Variants in CTBP2 observed in about 807,000 individuals in gnomAD.
CTBP2 encodes C-terminal-binding protein 2.
In CTBP2, 30 loss-of-function variants were observed where a neutral mutation model predicts 80.3. The ratio of observed to expected loss-of-function variants is 0.37; its 90% CI spans 0.28 to 0.51. CTBP2 has a LOEUF of 0.51. CTBP2 is among the 20% of genes least tolerant of loss of function. The probability of loss-of-function intolerance (pLI) is 0.93; values close to 1 mark genes in which losing one functional copy is unlikely to be tolerated. For missense variants in CTBP2, 1,212 were observed against 1,375.3 expected (o/e 0.88, Z 1.88); for synonymous variants, 594 against 587.4 (o/e 1.01, Z -0.16).
At chr10:125,020,621 G>A (rs1447828297) in intron 1 of CTBP2, among the ~76,000 whole-genome samples, 2 of 152,130 alleles carry the variant, frequency 1.3e-5, no homozygotes, top group Non-Finnish European at 2.9e-5. Context: ...AACAGCAAGC[G>A]CCGACCTCAT....
At chr10:125,007,847 A>G (rs1186125996) in intron 1 of CTBP2, among the ~76,000 whole-genome samples, 4 of 152,200 alleles carry the variant, frequency 2.6e-5, no homozygotes, top group Non-Finnish European at 5.9e-5. Context: ...AGCACAAGAC[A>G]ACCTGCCCCA....
chr10:125,083,529 C>T (rs750321476), intron 2 of CTBP2, among the ~76,000 whole-genome samples: 4 of 152,206 alleles, frequency 2.6e-5, no homozygotes, highest in Non-Finnish European at 5.9e-5. Context: ...ACCACATTAC[C>T]GTGACCATCT....
At chr10:125,114,238 C>T (rs1389790719) in intron 1 of CTBP2, among the ~76,000 whole-genome samples, 1 of 152,192 alleles carries the variant, frequency 6.6e-6, no homozygotes, top group Non-Finnish European at 1.5e-5. Context: ...GCATGCCCAC[C>T]CCCTCCAAGT....
intron 1 of CTBP2, among the ~76,000 whole-genome samples, chr10:125,139,374 CAAAAAAAAA>C (rs33963277): frequency 1.0e-5 from 1 of 96,220 alleles, no homozygotes; most frequent in Non-Finnish European, 2.1e-5. Flanking sequence ...TAGACTGTCT[CAAAAAAAAA>C]AAAAAAAAAA....
intron 2 of CTBP2, among the ~76,000 whole-genome samples, chr10:125,089,173 T>C (rs895792897): frequency 6.6e-6 from 1 of 152,244 alleles, no homozygotes; most frequent in Non-Finnish European, 1.5e-5. Context: ...AAACATTTTT[T>C]TACTTTAAAA....
chr10:125,043,671 C>T (rs752992812), intron 2 of CTBP2, among the ~76,000 whole-genome samples: 2 of 152,084 alleles, frequency 1.3e-5, no homozygotes, highest in African/African-American at 4.8e-5. Context: ...CTCCTGACCT[C>T]GTGATCTGTC....
At chr10:125,003,129 C>T (rs376628142) in intron 2 of CTBP2, 25 bp from the exon 5 acceptor site, 48 of 1,613,118 alleles carry the variant, frequency 3.0e-5, no homozygotes, top group Middle Eastern at 1.7e-4. Flanking sequence ...AGCACAGGGT[C>T]GGAGCCCCAC....
chr10:125,131,092 G>A (rs1457084924), intron 1 of CTBP2, among the ~76,000 whole-genome samples: 1 of 152,252 alleles, frequency 6.6e-6, no homozygotes, highest in African/African-American at 2.4e-5. Flanking sequence ...TGGCAGGGAA[G>A]GCAGGAGGCT....
At chr10:125,114,367 T>G (rs1852829910) in intron 1 of CTBP2, among the ~76,000 whole-genome samples, 1 of 151,642 alleles carries the variant, frequency 6.6e-6, no homozygotes, top group Admixed American at 6.6e-5. Context: ...GACAGGGGGG[T>G]GTGTACTCTC....
At position 125,027,538 on chromosome 10, in the gene CTBP2, G is replaced by T; in HGVS notation, c.222C>A (p.Ala74=). The change falls in exon 1 of 9, where the codon GCC becomes GCA. Residue 74 remains alanine (A), a synonymous_variant. Coordinates refer to ENST00000309035, the MANE Select transcript of CTBP2 (RefSeq NM_022802.3). ...TTCTTGCAGCCACTGAGTTATAAAC[G>T]GCCTCCCGGTACAGGTAGGGCTCGG... The T allele has an allele frequency of 6.2e-7, 1 of 1,614,006 alleles. No individual in the cohort carries two copies. Among genetic ancestry groups the T allele is most frequent in the Middle Eastern group, 1.6e-4 (1 of 6,062 alleles).
rs1039042139 is a variant in CTBP2 at position 124,986,843 on chromosome 10, G to A, written c.*2675C>T. 4.6e-5 allele frequency: 7 copies of A among 152,206 alleles called. No individual in the cohort carries two copies. The highest frequency in any genetic ancestry group is 8.8e-5 in the Non-Finnish European group (6 of 68,052). The allele number at this position is 152,206 out of a possible 1,614,324, so 9.4% of individuals were successfully genotyped here. A position where few individuals can be genotyped will look rare whatever the true frequency, so the allele number is the denominator to read the frequency against. The stretch of plus-strand genomic sequence containing the variant: ...TTGAAAAAGCCAAAGAGAATTGTTA[G>A]AGGGAAAAGCATGTAGCCATTGCAG... On this transcript the variant is annotated 3_prime_UTR_variant, in exon 9 of 9. Transcript: ENST00000309035.
chr10:125,056,271 T>A (rs956793603), intron 2 of CTBP2, among the ~76,000 whole-genome samples: 1 of 152,224 alleles, frequency 6.6e-6, no homozygotes, highest in African/African-American at 2.4e-5. Flanking sequence ...TGAGAACTAT[T>A]CTAAGCGGCT....
chr10:125,026,032 C>T (rs1352391456), intron 1 of CTBP2: 9 of 1,528,774 alleles, frequency 5.9e-6, no homozygotes, highest in Non-Finnish European at 7.9e-6. Flanking sequence ...CCCCGCACCC[C>T]CCTGCTCCCC....
chr10:125,093,863 G>A (rs1422923638), intron 2 of CTBP2, among the ~76,000 whole-genome samples: 1 of 152,148 alleles, frequency 6.6e-6, no homozygotes, highest in East Asian at 1.9e-4. Context: ...GAAAACCCGG[G>A]TGTTTGATTC....
intron 2 of CTBP2, among the ~76,000 whole-genome samples, chr10:125,087,362 G>A (rs1040584075): frequency 4.6e-5 from 7 of 152,018 alleles, no homozygotes; most frequent in Admixed American, 3.9e-4. Context: ...ATGAGCCACC[G>A]CGCCCAGCCA....
chr10:125,160,396 C>T (rs1349962324), exon 1 of CTBP2: 1 of 154,826 alleles, frequency 6.5e-6, no homozygotes. Context: ...CCGCCCCTCC[C>T]ACCCCACCCG....
chr10:125,160,497 T>C (rs1861760359), exon 1 of CTBP2: 1 of 146,540 alleles, frequency 6.8e-6, no homozygotes. Context: ...CGCCGCCGGC[T>C]CCTCCGGGCC....
rs771344772 is a variant in CTBP2, at chr10:125,027,178, G to A, written c.582C>T (p.Pro194=). The A allele has an allele frequency of 2.2e-5, 36 of 1,605,572 alleles. No homozygotes were observed. Among genetic ancestry groups the A allele is most frequent in the African/African-American group, 2.1e-4 (16 of 74,772 alleles). ...GCACCTCCGCCCCATACCTGGTGTC[G>A]GGCTGCTCCCGTCCATACCGCCCGG... The change falls in exon 1 of 9, where the codon CCC becomes CCT. Residue 194 remains proline, a synonymous_variant. Coordinates refer to ENST00000309035, the MANE Select transcript of CTBP2 (RefSeq NM_022802.3).
At chr10:125,045,902 A>ATGGTCACACCC (rs1564791602) in intron 2 of CTBP2, among the ~76,000 whole-genome samples, 1 of 151,924 alleles carries the variant, frequency 6.6e-6, no homozygotes, top group Non-Finnish European at 1.5e-5. Flanking sequence ...CCAGAGTGAC[A>ATGGTCACACCC]TGGTCACACC....
Sources: allele counts gnomAD v4.1 joint callset (sites outside exome capture counted in the v4.1 genomes callset), GRCh38; gene constraint gnomAD v4.1.1; transcripts MANE v1.5; gene names NCBI Gene and HGNC (gene_info 2026-07-23, HGNC 2026-07-21).